ANKEF1: variants seen among roughly 807,000 people sequenced by gnomAD.
The protein encoded by ANKEF1 is ankyrin repeat and EF-hand domain containing 1.
ANKEF1 carries 43 observed loss-of-function variants against 65.1 expected under a neutral mutation model. That is an observed-to-expected ratio of 0.66 (90% CI 0.52 to 0.85). The LOEUF (loss-of-function observed/expected upper bound fraction) is 0.85, where lower values mean the gene tolerates loss of function less well. Among genes scored for constraint, ANKEF1 ranks in the 40% least tolerant of loss-of-function variants. The pLI, the probability that ANKEF1 is intolerant of heterozygous loss-of-function variation, is 0.00. For synonymous variants in ANKEF1, 316 were observed against 341.5 expected, an observed-to-expected ratio of 0.93 and a Z score of 0.82; for missense variants, 934 against 952.9, an observed-to-expected ratio of 0.98 and a Z score of 0.26.
intron 3 of ANKEF1, among the ~76,000 whole-genome samples, chr20:10,042,822 C>T (rs1285569435): frequency 6.6e-6 from 1 of 152,182 alleles, no homozygotes; most frequent in African/African-American, 2.4e-5. Flanking sequence ...AGAAGGGACA[C>T]TCAGGGTACG....
At chr20:10,050,609 G>A (rs1984805496) in intron 7 of ANKEF1, among the ~76,000 whole-genome samples, 1 of 151,420 alleles carries the variant, frequency 6.6e-6, no homozygotes, top group African/African-American at 2.5e-5. Flanking sequence ...CAGGATAATG[G>A]GAGCATAGGA....
rs1041666347 is a variant in ANKEF1, at chr20:10,056,381, G to C, written c.*721G>C. The C allele has an allele frequency of 1.3e-5, 2 of 151,370 alleles. No homozygotes were observed. Among genetic ancestry groups the C allele is most frequent in the African/African-American group, 4.9e-5 (2 of 41,222 alleles). 9.4% of individuals were successfully genotyped at this position (151,370 alleles called of 1,614,324 possible). ...GTTTTTGCCATAACCTTTAATTGCA[G>C]CAAAAACCGCAATTACTTTTGCTCC... is the stretch of plus-strand genomic sequence containing the variant. On this transcript the variant is annotated 3_prime_UTR_variant, in exon 11 of 11. Transcript: ENST00000378392.
Position 10,038,519 on chromosome 20 carries a change from A to T in ANKEF1, c.218A>T (p.His73Leu). 1 of 1,614,212 alleles carries T rather than the reference A, an allele frequency of 6.2e-7. No individual in the cohort carries two copies. Among genetic ancestry groups the T allele is most frequent in the South Asian group, 1.1e-5 (1 of 91,084 alleles). ...AGCTTTCTCCTTGACCTTGGTGCTCACCCTGATGTGCAAGACCGAATGGGC... is the reference window on the plus strand; with the variant it reads ...AGCTTTCTCCTTGACCTTGGTGCTCTCCCTGATGTGCAAGACCGAATGGGC... ...MVSFLLDLGA[H>L]PDVQDRMGCT... The change falls in exon 3 of 11, where the codon CAC becomes CTC. Residue 73 changes from histidine (H) to leucine (L), a missense_variant. Transcript: ENST00000378392.
In ANKEF1 at chr20:10,049,536, C is replaced by A. The variant is rs186921087; in HGVS notation, c.967C>A (p.Pro323Thr). ...CAGGCCAGGAGCCAAAAATCCAAATCCACTGTGGGCCCTTAGACTGCACGA... is the reference window on the plus strand; with the variant it reads ...CAGGCCAGGAGCCAAAAATCCAAATACACTGTGGGCCCTTAGACTGCACGA... ...LARPGAKNPN[P>T]LWALRLHDWS... Residue 323 changes from proline to threonine, a missense_variant, in exon 7 of 11, where the codon CCA (proline) becomes ACA (threonine). Transcript: ENST00000378392. 6.2e-7 allele frequency: 1 copy of A among 1,614,088 alleles called. No individual in the cohort carries two copies. The highest frequency in any genetic ancestry group is 1.7e-5 in the Admixed American group (1 of 60,004).
At chr20:10,038,905 G>C (rs1984022032) in intron 3 of ANKEF1, among the ~76,000 whole-genome samples, 1 of 152,174 alleles carries the variant, frequency 6.6e-6, no homozygotes, top group South Asian at 2.1e-4. Context: ...TCTTTTAAAT[G>C]AGGAGAATTT....
At position 10,057,901 on chromosome 20, in the gene ANKEF1, G is replaced by A. The variant is rs990565514; in HGVS notation, c.*2241G>A. The A allele has an allele frequency of 2.6e-5, 4 of 151,872 alleles. No individual in the cohort carries two copies. The highest frequency in any genetic ancestry group is 4.4e-5 in the Non-Finnish European group (3 of 67,882). The allele number at this position is 151,872 out of a possible 1,614,324, so 9.4% of individuals were successfully genotyped here. On this transcript the variant is annotated 3_prime_UTR_variant, in exon 11 of 11. Coordinates refer to ENST00000378392, the MANE Select transcript of ANKEF1 (RefSeq NM_022096.6). ...ACCTGTATTTCTTGTTTGTTTGTTT[G>A]TTTGTTTGTTTATGACAGTATATAA...
Position 10,049,704 on chromosome 20 carries a change from G to A in ANKEF1, c.1135G>A (p.Ala379Thr), listed in dbSNP as rs575274293. Residue 379 changes from alanine to threonine, a missense_variant, in exon 7 of 11, where the codon GCT becomes ACT. By Grantham distance (58) the Ala-to-Thr change is moderately conservative. Transcript: ENST00000378392. Reference sequence around the variant, plus strand: ...AAGCTCAGAACAGCTGGCTGCCATCGCTCACCTTCATGAGAAAACCCGGGG... The same window carrying A: ...AAGCTCAGAACAGCTGGCTGCCATCACTCACCTTCATGAGAAAACCCGGGG... ...YASSEQLAAI[A>T]HLHEKTRGGG... 1.1e-5 allele frequency: 18 copies of A among 1,614,000 alleles called. No homozygotes were observed. The highest frequency in any genetic ancestry group is 1.5e-5 in the Non-Finnish European group (18 of 1,180,012).
chr20:10,050,336 TTAATA>T lies in ANKEF1; in HGVS notation c.1643+127_1643+131del, dbSNP rs1984783790. On this transcript the variant is annotated intron_variant, in intron 7 of 10. Transcript: ENST00000378392. Reference sequence around the variant, plus strand: ...CTTTATTAAAGTCTATAATAAGGCTTTAATATATAAAAGCCTTTTATTAACAATTA... The same window carrying T: ...CTTTATTAAAGTCTATAATAAGGCTTTATAAAAGCCTTTTATTAACAATTA... The T allele has an allele frequency of 5.6e-6, 4 of 712,842 alleles. No individual in the cohort carries two copies. The South Asian group carries it at 8.6e-5, about 15-fold the overall frequency. The allele number at this position is 712,842 out of a possible 1,614,324, so 44.2% of individuals were successfully genotyped here. A position where few individuals can be genotyped will look rare whatever the true frequency, so the allele number is the denominator to read the frequency against.
In ANKEF1 at chr20:10,049,451, C is replaced by T. The variant is rs781241130; in HGVS notation, c.882C>T (p.Gly294=). 5.0e-6 allele frequency: 8 copies of T among 1,614,108 alleles called. No homozygotes were observed. The highest frequency in any genetic ancestry group is 1.7e-5 in the Admixed American group (1 of 60,008). The change falls in exon 7 of 11, where the codon GGC becomes GGT. Residue 294 remains glycine (G), a synonymous_variant. Transcript: ENST00000378392. ...CGCCCAGGGCTGTGGCTAAGGAAGG[C>T]GGCTTCAAAGCAGCAAGCAAAGAAA... ...HKTPRAVAKE[G]GFKAASKEIR... is the part of the protein sequence containing the mutation.
intron 9 of ANKEF1, 107 bp from the exon 10 acceptor site, chr20:10,054,355 A>G (rs1045113289): frequency 5.8e-6 from 5 of 864,910 alleles, no homozygotes; most frequent in African/African-American, 5.4e-5. Flanking sequence ...GTACAGTAGC[A>G]TTTTTAGGTT....
At chr20:10,045,837 TGAAAA>T in intron 6 of ANKEF1, 140 bp downstream of exon 6, 2 of 781,880 alleles carry the variant, frequency 2.6e-6, no homozygotes, top group Non-Finnish European at 4.0e-6. Flanking sequence ...GAAAGAAAAT[TGAAAA>T]TTATTTCTTA....
At chr20:10,037,386 C>T (rs953640813) in intron 2 of ANKEF1, among the ~76,000 whole-genome samples, 1 of 152,162 alleles carries the variant, frequency 6.6e-6, no homozygotes, top group Non-Finnish European at 1.5e-5. Flanking sequence ...GCAGAATAGT[C>T]TTCCCTCATA....
At chr20:10,038,696 C>A in intron 3 of ANKEF1, 49 bp downstream of exon 3, 1 of 1,402,140 alleles carries the variant, frequency 7.1e-7, no homozygotes, top group Non-Finnish European at 9.7e-7. Context: ...ATTTTGTAGC[C>A]AGAAAGCAAT....
chr20:10,035,920 A>T (rs921133218), intron 2 of ANKEF1, among the ~76,000 whole-genome samples: 1 of 152,072 alleles, frequency 6.6e-6, no homozygotes, highest in Non-Finnish European at 1.5e-5. Context: ...GCTCTATTCC[A>T]CTACCTTGGT....
intron 8 of ANKEF1, among the ~76,000 whole-genome samples, chr20:10,052,468 A>T (rs1259285177): frequency 6.6e-6 from 1 of 152,214 alleles, no homozygotes. Context: ...ACCTTGTATC[A>T]TAAATACCAT....
At position 10,039,191 on chromosome 20, in the gene ANKEF1, A is replaced by G. The variant is rs567389751; in HGVS notation, c.346+544A>G. Among the ~76,000 whole-genome samples the G allele has an allele frequency of 5.9e-5, 9 of 152,340 alleles. No individual in the cohort carries two copies. In the South Asian group the frequency reaches 1.0e-3, roughly 18 times the overall value. ...GGAAATACAACTTCAAACTTTAGACATGACCTTTCAACAATGATTCAGATC... is the reference window on the plus strand; with the variant it reads ...GGAAATACAACTTCAAACTTTAGACGTGACCTTTCAACAATGATTCAGATC... On this transcript the variant is annotated intron_variant, in intron 3 of 10. Transcript: ENST00000378392.
At position 10,049,852 on chromosome 20, in the gene ANKEF1, A is replaced by C; in HGVS notation, c.1283A>C (p.Lys428Thr). 6.2e-7 allele frequency: 1 copy of C among 1,614,158 alleles called. No individual in the cohort carries two copies. Among genetic ancestry groups the C allele is most frequent in the South Asian group, 1.1e-5 (1 of 91,078 alleles). The part of the protein sequence containing the change: ...KGMGKKGKKG[K>T]FVLPLPICVI... Reference sequence around the variant, plus strand: ...ATGGGCAAAAAAGGAAAGAAAGGGAAATTTGTCTTACCCCTTCCAATCTGT... The same window carrying C: ...ATGGGCAAAAAAGGAAAGAAAGGGACATTTGTCTTACCCCTTCCAATCTGT... Residue 428 changes from lysine (K) to threonine (T), a missense_variant, in exon 7 of 11, where the codon AAA becomes ACA. Lys to Thr is a moderately conservative substitution (Grantham distance 78). Transcript: ENST00000378392.
At chr20:10,050,271 T>G in intron 7 of ANKEF1, 59 bp downstream of exon 7, 1 of 1,392,086 alleles carries the variant, frequency 7.2e-7, no homozygotes, top group Non-Finnish European at 9.8e-7. Context: ...TTCAAGGAAG[T>G]GAAAAGATGA....
In ANKEF1 at chr20:10,053,174, GA is replaced by G. The variant is rs767629918; in HGVS notation, c.1937del (p.Lys646SerfsTer2). ...ADYRIIDLIK[E>X]KLDNLPKPAE... Reference sequence around the variant, plus strand: ...TTATAGAATAATTGATCTGATTAAAGAAAAGCTAGATAACTTGCCGAAACCA... The same window carrying G: ...TTATAGAATAATTGATCTGATTAAAGAAAGCTAGATAACTTGCCGAAACCA... On this transcript the variant is annotated frameshift_variant, in exon 9 of 11. Transcript: ENST00000378392. LOFTEE classifies it high-confidence loss of function. 2 of 1,613,536 alleles carry G rather than the reference GA, an allele frequency of 1.2e-6. No homozygotes were observed. Among genetic ancestry groups the G allele is most frequent in the Non-Finnish European group, 1.7e-6 (2 of 1,179,718 alleles).
Sources: allele counts gnomAD v4.1 joint callset (sites outside exome capture counted in the v4.1 genomes callset), GRCh38; gene constraint gnomAD v4.1.1; transcripts MANE v1.5; gene names NCBI Gene and HGNC (gene_info 2026-07-23, HGNC 2026-07-21).